RAB27A: variants seen among roughly 807,000 people sequenced by gnomAD.
RAB27A encodes ras-related protein Rab-27A.
Under a neutral mutation model 20.8 loss-of-function variants are expected in RAB27A, and 17 were observed. The ratio of observed to expected loss-of-function variants is 0.82; its 90% CI spans 0.56 to 1.23. The LOEUF (loss-of-function observed/expected upper bound fraction) is 1.23. Among genes scored for constraint, RAB27A ranks in the 50% most tolerant of loss-of-function variants. RAB27A has a pLI of 0.00. For missense variants in RAB27A, 277 were observed against 266.7 expected (o/e 1.04, Z -0.27); for synonymous variants, 85 against 92.8 (o/e 0.92, Z 0.48).
chr15:55,295,700 G>T (rs1024351845), intron 2 of RAB27A, among the ~76,000 whole-genome samples: 2 of 152,118 alleles, frequency 1.3e-5, no homozygotes, highest in Admixed American at 1.3e-4. Context: ...GGGAGAGGGA[G>T]AAATGAGGTG....
chr15:55,274,593 C>T (rs764623191), intron 1 of RAB27A, among the ~76,000 whole-genome samples: 2 of 151,308 alleles, frequency 1.3e-5, no homozygotes, highest in Non-Finnish European at 2.9e-5. Context: ...GCCTGACCAA[C>T]ATGGCAAAAC....
At chr15:55,222,237 T>C (rs1019721816) in intron 6 of RAB27A, among the ~76,000 whole-genome samples, 2 of 152,210 alleles carry the variant, frequency 1.3e-5, no homozygotes, top group African/African-American at 4.8e-5. Flanking sequence ...CCATCTGCCC[T>C]AGGGTAAAAA....
upstream of RAB27A, among the ~76,000 whole-genome samples, chr15:55,292,794 A>G (rs542666707): frequency 6.6e-6 from 1 of 152,338 alleles, no homozygotes; most frequent in East Asian, 1.9e-4. Flanking sequence ...TGCTGTAGCT[A>G]TTACCCAAAA....
At chr15:55,208,456 C>T (rs574057821) in intron 6 of RAB27A, among the ~76,000 whole-genome samples, 2 of 152,256 alleles carry the variant, frequency 1.3e-5, no homozygotes, top group Admixed American at 6.5e-5. Context: ...GGTTGCCAAA[C>T]GGTAGAAACA....
chr15:55,208,431 T>C (rs2140901281), intron 6 of RAB27A, among the ~76,000 whole-genome samples: 1 of 152,292 alleles, frequency 6.6e-6, no homozygotes, highest in Non-Finnish European at 1.5e-5. Context: ...ACTAGAGAGT[T>C]TCCAGTGTTA....
At chr15:55,314,760 A>T (rs1402563992) in intron 1 of RAB27A, among the ~76,000 whole-genome samples, 1 of 152,232 alleles carries the variant, frequency 6.6e-6, no homozygotes, top group African/African-American at 2.4e-5. Context: ...CAAGGAAATA[A>T]GAGAGGACAC....
chr15:55,280,406 TAAA>T (rs1897984090), intron 1 of RAB27A, among the ~76,000 whole-genome samples: 1 of 151,554 alleles, frequency 6.6e-6, no homozygotes, highest in African/African-American at 2.4e-5. Flanking sequence ...GTATTTAAAA[TAAA>T]ACATAGATTC....
rs143291633 is a variant in RAB27A, at chr15:55,278,812, C to T, written c.-142-8528G>A. Among the ~76,000 whole-genome samples the T allele has an allele frequency of 3.3e-3, 499 of 152,240 alleles. 3 individuals are homozygous for T. The highest frequency in any genetic ancestry group is 0.011 in the Admixed American group (174 of 15,278). Reference sequence around the variant, plus strand: ...TTCTAATTATTTAGTGAATTCAGTACGTTGACATGGGGCTGAAAAATCTGC... The same window carrying T: ...TTCTAATTATTTAGTGAATTCAGTATGTTGACATGGGGCTGAAAAATCTGC... On this transcript the variant is annotated intron_variant, in intron 1 of 6. Coordinates refer to ENST00000336787, the MANE Select transcript of RAB27A (RefSeq NM_183235.3).
chr15:55,266,924 T>C (rs891969104), intron 2 of RAB27A, among the ~76,000 whole-genome samples: 23 of 152,200 alleles, frequency 1.5e-4, no homozygotes, highest in Admixed American at 1.0e-3. Flanking sequence ...AATATGGCTA[T>C]GAATTTTAGT....
upstream of RAB27A, chr15:55,289,893 T>C (rs933241059): frequency 1.3e-5 from 2 of 152,012 alleles, no homozygotes; most frequent in Admixed American, 6.5e-5. Flanking sequence ...CCTTCTCCTG[T>C]CACCTCGGGA....
intron 1 of RAB27A, among the ~76,000 whole-genome samples, chr15:55,315,926 T>C (rs974106706): frequency 2.0e-5 from 3 of 152,136 alleles, no homozygotes; most frequent in African/African-American, 7.2e-5. Flanking sequence ...GGATTACAAA[T>C]CATTCTACTA....
intron 1 of RAB27A, among the ~76,000 whole-genome samples, chr15:55,284,196 A>G (rs1002484865): frequency 6.6e-6 from 1 of 152,248 alleles, no homozygotes; most frequent in African/African-American, 2.4e-5. Context: ...TACAATAAAA[A>G]ATAATAAAAT....
chr15:55,214,096 G>A (rs906683880), intron 6 of RAB27A, among the ~76,000 whole-genome samples: 4 of 152,126 alleles, frequency 2.6e-5, no homozygotes, highest in Admixed American at 6.5e-5. Flanking sequence ...AGGTGATAAG[G>A]CCTTGCAACT....
intron 1 of RAB27A, chr15:55,317,831 G>A: frequency 5.0e-6 from 2 of 397,024 alleles, no homozygotes; most frequent in South Asian, 1.3e-4. Context: ...GCTGGTTTTG[G>A]AAAGTCACAC....
At chr15:55,288,583 C>T (rs942884971) in intron 1 of RAB27A, among the ~76,000 whole-genome samples, 1 of 150,786 alleles carries the variant, frequency 6.6e-6, no homozygotes, top group African/African-American at 2.4e-5. Flanking sequence ...CAAGGCACGT[C>T]ACAGAAATTA....
chr15:55,306,073 C>G (rs1426454436), intron 2 of RAB27A, among the ~76,000 whole-genome samples: 3 of 152,154 alleles, frequency 2.0e-5, no homozygotes, highest in Admixed American at 2.0e-4. Flanking sequence ...TGAGGTACCA[C>G]AGACAAAAAA....
chr15:55,213,155 GTTATT>G lies in RAB27A; in HGVS notation c.468-7455_468-7451del, dbSNP rs1164476418. On this transcript the variant is annotated intron_variant, in intron 6 of 6. Coordinates refer to ENST00000336787, the MANE Select transcript of RAB27A (RefSeq NM_183235.3). ...TTAGATATCAAAACAACAAAGCAAA[GTTATT>G]TTATTATCTCAGGGAGTCCTGCAAT... Among the ~76,000 whole-genome samples, 5 of 152,250 alleles carry G rather than the reference GTTATT, an allele frequency of 3.3e-5. No homozygotes were observed. In the South Asian group the frequency reaches 8.3e-4, roughly 25 times the overall value.
chr15:55,203,596 T>TG lies in RAB27A; in HGVS notation c.*1910_*1911insC, dbSNP rs1894502148. 1 of 150,120 alleles carries TG rather than the reference T, an allele frequency of 6.7e-6. No homozygotes were observed. 9.3% of individuals were successfully genotyped at this position (150,120 alleles called of 1,614,324 possible). A position where few individuals can be genotyped will look rare whatever the true frequency, so the allele number is the denominator to read the frequency against. On this transcript the variant is annotated 3_prime_UTR_variant, in exon 7 of 7. Coordinates refer to ENST00000336787, the MANE Select transcript of RAB27A (RefSeq NM_183235.3). ...CGCCCAGCCCATTTTTTTTTTTTTT[T>TG]TTTTTTTAGTAGAGATGGGGTTTCA...
At chr15:55,240,499 G>C (rs1896437668) in intron 2 of RAB27A, among the ~76,000 whole-genome samples, 1 of 152,086 alleles carries the variant, frequency 6.6e-6, no homozygotes, top group Non-Finnish European at 1.5e-5. Flanking sequence ...CCCTCAGAAA[G>C]ATCTAGAGCT....
Sources: gnomAD v4.1 joint callset for allele counts (sites outside exome capture counted in the v4.1 genomes callset) on GRCh38, gnomAD v4.1.1 for gene constraint, MANE v1.5 for transcripts, NCBI Gene and HGNC (gene_info 2026-07-23, HGNC 2026-07-21) for gene names.